MAGI1: variants seen among roughly 807,000 people sequenced by gnomAD.
MAGI1 encodes membrane-associated guanylate kinase, WW and PDZ domain-containing protein 1.
MAGI1 carries 58 observed loss-of-function variants against 139.9 expected under a neutral mutation model. The ratio of observed to expected loss-of-function variants is 0.41; its 90% confidence interval spans 0.34 to 0.52. The LOEUF (loss-of-function observed/expected upper bound fraction) is 0.52, where lower values mean the gene tolerates loss of function less well. MAGI1 is among the 20% of genes least tolerant of loss of function. MAGI1 has a pLI of 0.12. For missense variants in MAGI1, 1,874 were observed against 1,901.6 expected, an observed-to-expected ratio of 0.99 and a Z score of 0.27; for synonymous variants, 812 against 737.9, an observed-to-expected ratio of 1.10 and a Z score of -1.63.
chr3:65,943,759 G>T (rs2063429166), intron 1 of MAGI1, among the ~76,000 whole-genome samples: 1 of 152,092 alleles, frequency 6.6e-6, no homozygotes, highest in South Asian at 2.1e-4. Context: ...TGCTTTAGAT[G>T]AGTATTCCAA....
chr3:65,691,033 G>A (rs1401117561), intron 1 of MAGI1, among the ~76,000 whole-genome samples: 1 of 152,068 alleles, frequency 6.6e-6, no homozygotes, highest in Non-Finnish European at 1.5e-5. Flanking sequence ...CCTGGGTGTG[G>A]TGGCTCAGGC....
intron 16 of MAGI1, among the ~76,000 whole-genome samples, chr3:65,379,863 G>T (rs1253942923): frequency 1.3e-5 from 2 of 152,202 alleles, no homozygotes; most frequent in African/African-American, 2.4e-5. Context: ...AGATCGGCCT[G>T]CTGTGAAATA....
intron 1 of MAGI1, among the ~76,000 whole-genome samples, chr3:65,742,659 A>G (rs773424552): frequency 5.9e-5 from 9 of 152,166 alleles, no homozygotes; most frequent in Admixed American, 1.3e-4. Context: ...TTTATTCAAG[A>G]CGCCACCTAC....
At chr3:65,723,040 G>A (rs1006380861) in intron 1 of MAGI1, among the ~76,000 whole-genome samples, 34 of 151,980 alleles carry the variant, frequency 2.2e-4, no homozygotes, top group Non-Finnish European at 4.0e-4. Context: ...AATGATATTA[G>A]GACATCCCTC....
At chr3:65,424,897 T>C (rs1013498038) in intron 12 of MAGI1, among the ~76,000 whole-genome samples, 1 of 152,042 alleles carries the variant, frequency 6.6e-6, no homozygotes, top group African/African-American at 2.4e-5. Context: ...AGTGAGACCC[T>C]GTCTCTACAA....
rs537500113 is a variant in MAGI1 at position 65,541,390 on chromosome 3, A to G, written c.431-47759T>C. Among the ~76,000 whole-genome samples, 7 of 152,322 alleles carry G rather than the reference A, an allele frequency of 4.6e-5. No individual in the cohort carries two copies. The East Asian group carries it at 1.4e-3, about 29-fold the overall frequency. On this transcript the variant is annotated intron_variant, in intron 2 of 22. Coordinates refer to ENST00000402939, the MANE Select transcript of MAGI1 (RefSeq NM_001033057.2). ...CTTCTGAAACGATTCCACACAATAG[A>G]AAAAGAGGGACTCCTCCCTAACTCA... is the stretch of plus-strand genomic sequence containing the variant.
intron 1 of MAGI1, among the ~76,000 whole-genome samples, chr3:65,659,375 C>T (rs2086063926): frequency 6.6e-6 from 1 of 152,190 alleles, no homozygotes; most frequent in South Asian, 2.1e-4. Flanking sequence ...ATGGACCAAG[C>T]TGGCTAATAC....
chr3:65,424,122 A>AATGT (rs1946831830), intron 12 of MAGI1, among the ~76,000 whole-genome samples: 1 of 152,184 alleles, frequency 6.6e-6, no homozygotes, highest in African/African-American at 2.4e-5. Flanking sequence ...TGTGTGCATG[A>AATGT]ATGTATGTAT....
chr3:65,611,028 T>G (rs1434419647), intron 2 of MAGI1, among the ~76,000 whole-genome samples: 1 of 129,270 alleles, frequency 7.7e-6, no homozygotes, highest in Middle Eastern at 0.01. Flanking sequence ...ATAGTGTGTA[T>G]ATAGTATATA....
At chr3:65,547,930 T>A (rs1051307386) in intron 2 of MAGI1, among the ~76,000 whole-genome samples, 2 of 152,160 alleles carry the variant, frequency 1.3e-5, no homozygotes, top group African/African-American at 4.8e-5. Flanking sequence ...ATGAAGTTCA[T>A]TGGGAGCTTA....
At chr3:65,547,925 G>A (rs1477601180) in intron 2 of MAGI1, among the ~76,000 whole-genome samples, 1 of 152,176 alleles carries the variant, frequency 6.6e-6, no homozygotes, top group Non-Finnish European at 1.5e-5. Context: ...CAACTATGAA[G>A]TTCATTGGGA....
intron 1 of MAGI1, among the ~76,000 whole-genome samples, chr3:65,872,252 T>A (rs1160317382): frequency 6.6e-6 from 1 of 152,222 alleles, no homozygotes; most frequent in Non-Finnish European, 1.5e-5. Context: ...TAGGTGCTTG[T>A]TAGAGTTGAC....
intron 1 of MAGI1, among the ~76,000 whole-genome samples, chr3:65,822,421 C>T (rs1038730578): frequency 5.3e-5 from 8 of 151,970 alleles, no homozygotes; most frequent in African/African-American, 1.4e-4. Context: ...CCAGCTACTC[C>T]GGAGGCTGAG....
At chr3:65,986,417 C>G (rs2065881171) in intron 1 of MAGI1, among the ~76,000 whole-genome samples, 1 of 152,218 alleles carries the variant, frequency 6.6e-6, no homozygotes, top group South Asian at 2.1e-4. Flanking sequence ...GCATCTGAAT[C>G]AGGGCCAATT....
rs1242044006 is a variant in MAGI1, at chr3:65,950,086, A to C, written c.313+87910T>G. On this transcript the variant is annotated intron_variant, in intron 1 of 22. Coordinates refer to ENST00000402939, the MANE Select transcript of MAGI1 (RefSeq NM_001033057.2). ...AAAAAACAAAAAAAAAACAAAAAAA[A>C]AAACAAACAAAAAAAAAAAACAGAA... is the stretch of plus-strand genomic sequence containing the variant. Among the ~76,000 whole-genome samples the C allele has an allele frequency of 4.5e-3, 344 of 76,072 alleles. 17 individuals are homozygous for C. Among genetic ancestry groups the C allele is most frequent in the Non-Finnish European group, 6.5e-3 (219 of 33,572 alleles). 49.9% of individuals were successfully genotyped at this position (76,072 alleles called of 152,430 possible). A position where few individuals can be genotyped will look rare whatever the true frequency, so the allele number is the denominator to read the frequency against.
chr3:65,543,451 C>T (rs1293345090), intron 2 of MAGI1, among the ~76,000 whole-genome samples: 2 of 152,086 alleles, frequency 1.3e-5, no homozygotes, highest in South Asian at 2.1e-4. Context: ...CACAGGCTCA[C>T]GTATATTTAT....
intron 2 of MAGI1, among the ~76,000 whole-genome samples, chr3:65,521,592 A>C (rs1449797695): frequency 1.3e-5 from 2 of 152,216 alleles, no homozygotes; most frequent in South Asian, 2.1e-4. Flanking sequence ...ATTCATGGAC[A>C]ATGAAAACTC....
At chr3:65,384,095 G>C (rs1451352027) in intron 14 of MAGI1, among the ~76,000 whole-genome samples, 2 of 152,184 alleles carry the variant, frequency 1.3e-5, no homozygotes, top group Non-Finnish European at 2.9e-5. Context: ...GGATGAAAGA[G>C]AACAGCTTGG....
At chr3:65,402,593 T>C (rs1383982154) in intron 12 of MAGI1, among the ~76,000 whole-genome samples, 3 of 152,156 alleles carry the variant, frequency 2.0e-5, no homozygotes, top group African/African-American at 7.2e-5. Flanking sequence ...CTGGTGATGC[T>C]GCACCGGAGA....
Sources: allele counts gnomAD v4.1 joint callset (sites outside exome capture counted in the v4.1 genomes callset), GRCh38; gene constraint gnomAD v4.1.1; transcripts MANE v1.5; gene names NCBI Gene and HGNC (gene_info 2026-07-23, HGNC 2026-07-21).